The following GPM6A variants were observed in gnomAD, a reference collection of about 807,000 sequenced individuals.
The protein encoded by GPM6A is neuronal membrane glycoprotein M6-a.
Under a neutral mutation model 32.1 loss-of-function variants are expected in GPM6A, and 7 were observed. That is an observed-to-expected ratio of 0.22 (90% CI 0.12 to 0.41). The LOEUF (loss-of-function observed/expected upper bound fraction) is 0.41. Ranked by LOEUF, GPM6A falls within the 10% of genes least tolerant of loss-of-function variation. GPM6A has a pLI of 1.00. For synonymous variants in GPM6A, 130 were observed against 123.4 expected (o/e 1.05, Z -0.35); for missense variants, 235 against 347.2 (o/e 0.68, Z 2.57).
intron 1 of GPM6A, among the ~76,000 whole-genome samples, chr4:175,860,056 A>AG (rs1435177038): frequency 6.6e-6 from 1 of 152,060 alleles, no homozygotes; most frequent in African/African-American, 2.4e-5. Flanking sequence ...GAGTGCTTAG[A>AG]GGGAAATTTC....
intron 1 of GPM6A, among the ~76,000 whole-genome samples, chr4:175,864,819 T>A (rs1318278165): frequency 6.6e-6 from 1 of 152,068 alleles, no homozygotes; most frequent in Non-Finnish European, 1.5e-5. Flanking sequence ...ATTTTTTTCT[T>A]TTTTCTTCTT....
chr4:175,878,409 T>G (rs1186232380), intron 1 of GPM6A, among the ~76,000 whole-genome samples: 2 of 152,158 alleles, frequency 1.3e-5, no homozygotes, highest in Non-Finnish European at 2.9e-5. Context: ...CCCAGACATT[T>G]CCATACATTC....
intron 1 of GPM6A, among the ~76,000 whole-genome samples, chr4:175,839,431 A>G (rs753130748): frequency 4.6e-5 from 7 of 152,230 alleles, no homozygotes; most frequent in Non-Finnish European, 1.0e-4. Context: ...AATACAAATG[A>G]AAACCTGGAA....
At chr4:175,914,740 G>GA (rs998783604) in intron 1 of GPM6A, among the ~76,000 whole-genome samples, 3 of 106,108 alleles carry the variant, frequency 2.8e-5, no homozygotes, top group African/African-American at 1.2e-4. Flanking sequence ...GTCAGAGCGA[G>GA]GGGGGGCCAC....
At chr4:175,707,367 G>A (rs1313403470) in intron 1 of GPM6A, among the ~76,000 whole-genome samples, 1 of 152,146 alleles carries the variant, frequency 6.6e-6, no homozygotes, top group Non-Finnish European at 1.5e-5. Flanking sequence ...CTCAGCCAAT[G>A]CATTTTCTTC....
At chr4:175,719,046 A>G (rs1560894351) in intron 1 of GPM6A, among the ~76,000 whole-genome samples, 2 of 152,200 alleles carry the variant, frequency 1.3e-5, no homozygotes, top group African/African-American at 4.8e-5. Flanking sequence ...AGATACAACC[A>G]TCTTACTAAA....
At chr4:175,636,593 C>T (rs906169869) in intron 6 of GPM6A, among the ~76,000 whole-genome samples, 2 of 150,032 alleles carry the variant, frequency 1.3e-5, no homozygotes, top group Non-Finnish European at 3.0e-5. Context: ...GTCAGGAGTC[C>T]AAGACCAGTC....
At chr4:175,991,612 A>T (rs1741148253) in intron 1 of GPM6A, among the ~76,000 whole-genome samples, 1 of 152,158 alleles carries the variant, frequency 6.6e-6, no homozygotes, top group Non-Finnish European at 1.5e-5. Context: ...ACTATCTACT[A>T]AATATAATGT....
At chr4:175,959,297 T>C (rs979465552) in intron 1 of GPM6A, among the ~76,000 whole-genome samples, 1 of 152,142 alleles carries the variant, frequency 6.6e-6, no homozygotes, top group African/African-American at 2.4e-5. Context: ...CTTAACGTTA[T>C]ACACATTATG....
rs144561736 is a variant in GPM6A, at chr4:175,908,786, G to A, written c.-23+93523C>T. Among the ~76,000 whole-genome samples the A allele has an allele frequency of 4.3e-3, 653 of 152,214 alleles. 5 individuals carry two copies. Among genetic ancestry groups the A allele is most frequent in the African/African-American group, 0.015 (624 of 41,556 alleles). ...CACATCAACTAAAAATAGACTGTGTGAAAACAATTCAAATAAATTTGTTAT... is the reference window on the plus strand; with the variant it reads ...CACATCAACTAAAAATAGACTGTGTAAAAACAATTCAAATAAATTTGTTAT... On this transcript the variant is annotated intron_variant, in intron 1 of 7. Coordinates refer to the GPM6A transcript ENST00000280187.
chr4:175,779,382 G>C (rs115911567), intron 1 of GPM6A, among the ~76,000 whole-genome samples: 1 of 152,096 alleles, frequency 6.6e-6, no homozygotes, highest in Non-Finnish European at 1.5e-5. Context: ...GCAGATTTAC[G>C]TCATTCTTTT....
At position 175,941,613 on chromosome 4, in the gene GPM6A, A is replaced by C. The variant is rs143193912; in HGVS notation, c.-23+60696T>G. Among the ~76,000 whole-genome samples the C allele has an allele frequency of 3.8e-3, 583 of 152,192 alleles. 6 individuals carry two copies. The highest frequency in any genetic ancestry group is 0.014 in the African/African-American group (564 of 41,504). On this transcript the variant is annotated intron_variant, in intron 1 of 7. Coordinates refer to the GPM6A transcript ENST00000280187. ...TGTGTCCATGTGTTCTCATTGTTCA[A>C]TTCCCCCTTATGAGTGAGAACATGC...
intron 1 of GPM6A, among the ~76,000 whole-genome samples, chr4:175,939,854 CA>C (rs553552940): frequency 0.06 from 8,444 of 141,818 alleles, 720 homozygotes; most frequent in African/African-American, 0.2. Flanking sequence ...TCTTAATAAG[CA>C]AAAAAAAAAA....
chr4:175,687,276 C>T (rs1224963080), intron 2 of GPM6A, among the ~76,000 whole-genome samples: 3 of 152,156 alleles, frequency 2.0e-5, no homozygotes, highest in Admixed American at 6.5e-5. Flanking sequence ...ATCATTCAAA[C>T]GTTTTCATCT....
intron 1 of GPM6A, among the ~76,000 whole-genome samples, chr4:175,801,597 A>G (rs1734473398): frequency 6.6e-6 from 1 of 152,124 alleles, no homozygotes; most frequent in Admixed American, 6.5e-5. Context: ...TGACCAGTGG[A>G]TATGATACAT....
chr4:175,719,126 A>C (rs937603825), intron 1 of GPM6A, among the ~76,000 whole-genome samples: 2 of 152,156 alleles, frequency 1.3e-5, no homozygotes, highest in African/African-American at 4.8e-5. Context: ...ATTTAAAAAA[A>C]CATTTTTTAA....
At chr4:175,692,128 A>G (rs73002116) in intron 2 of GPM6A, among the ~76,000 whole-genome samples, 9 of 152,174 alleles carry the variant, frequency 5.9e-5, no homozygotes, top group Non-Finnish European at 1.0e-4. Flanking sequence ...TTAAGTAACC[A>G]TATTTGTGGT....
Position 175,877,729 on chromosome 4 carries a change from A to T in GPM6A, c.-22-65480T>A, listed in dbSNP as rs555629663. Among the ~76,000 whole-genome samples the T allele has an allele frequency of 1.6e-4, 25 of 152,286 alleles. No homozygotes were observed. The South Asian group carries it at 5.0e-3, about 30-fold the overall frequency. Reference sequence around the variant, plus strand: ...TGGGGACACAGAGCCAAACCATATCATTCTGCCCCGGCCCCTCCCAAATCT... The same window carrying T: ...TGGGGACACAGAGCCAAACCATATCTTTCTGCCCCGGCCCCTCCCAAATCT... On this transcript the variant is annotated intron_variant, in intron 1 of 7. Transcript: ENST00000280187.
chr4:175,694,676 G>A (rs1431330676), intron 2 of GPM6A, among the ~76,000 whole-genome samples: 2 of 152,154 alleles, frequency 1.3e-5, no homozygotes, highest in Admixed American at 6.6e-5. Flanking sequence ...GAGCATACAA[G>A]TGAAACATTC....
Sources: gnomAD v4.1 joint callset for allele counts (sites outside exome capture counted in the v4.1 genomes callset) on GRCh38, gnomAD v4.1.1 for gene constraint, MANE v1.5 for transcripts, NCBI Gene and HGNC (gene_info 2026-07-23, HGNC 2026-07-21) for gene names.